ZMAT4: variants seen among roughly 807,000 people sequenced by gnomAD.
The protein encoded by ZMAT4 is zinc finger matrin-type 4, also known as zinc finger matrin-type protein 4.
Under a neutral mutation model 28.7 loss-of-function variants are expected in ZMAT4, and 17 were observed. The observed-to-expected ratio is 0.59, with a 90% confidence interval of 0.41 to 0.89. ZMAT4 has a LOEUF of 0.89. Ranked by LOEUF, ZMAT4 falls within the 40% of genes least tolerant of loss-of-function variation. ZMAT4 has a pLI of 0.00. For missense variants in ZMAT4, 240 were observed against 283.8 expected, an observed-to-expected ratio of 0.85 and a Z score of 1.11; for synonymous variants, 117 against 109.2, an observed-to-expected ratio of 1.07 and a Z score of -0.44.
intron 1 of ZMAT4, among the ~76,000 whole-genome samples, chr8:40,845,548 A>G (rs1375022363): frequency 2.0e-5 from 3 of 151,992 alleles, no homozygotes; most frequent in Non-Finnish European, 2.9e-5. Context: ...GGCAGATTAT[A>G]GCAGCCTTCT....
intron 5 of ZMAT4, among the ~76,000 whole-genome samples, chr8:40,651,714 G>A (rs993690768): frequency 1.3e-5 from 2 of 151,668 alleles, no homozygotes; most frequent in Admixed American, 6.6e-5. Context: ...AGCATGTTTG[G>A]TACTGGTACC....
At chr8:40,623,137 G>A (rs139246031) in intron 5 of ZMAT4, among the ~76,000 whole-genome samples, 1 of 152,254 alleles carries the variant, frequency 6.6e-6, no homozygotes, top group African/African-American at 2.4e-5. Context: ...ACAGTGCAAA[G>A]CACTGAGCAA....
chr8:40,859,760 A>G (rs1006419006), intron 1 of ZMAT4, among the ~76,000 whole-genome samples: 1 of 152,150 alleles, frequency 6.6e-6, no homozygotes, highest in Non-Finnish European at 1.5e-5. Context: ...GCCCTTGATG[A>G]CTATGAGCAG....
intron 1 of ZMAT4, among the ~76,000 whole-genome samples, chr8:40,879,447 G>A (rs947694713): frequency 6.6e-6 from 1 of 152,070 alleles, no homozygotes; most frequent in Non-Finnish European, 1.5e-5. Context: ...TGAAATAAAC[G>A]TTTGTTTCCA....
intron 6 of ZMAT4, among the ~76,000 whole-genome samples, chr8:40,537,769 A>G (rs1379897291): frequency 1.3e-5 from 2 of 152,190 alleles, no homozygotes; most frequent in Non-Finnish European, 2.9e-5. Flanking sequence ...GTCGAACATC[A>G]TCATTTTACA....
intron 3 of ZMAT4, among the ~76,000 whole-genome samples, chr8:40,760,658 A>C (rs1002321209): frequency 6.6e-6 from 1 of 151,934 alleles, no homozygotes; most frequent in Admixed American, 6.6e-5. Flanking sequence ...TTCATGGTCG[A>C]GGCAACATTC....
chr8:40,592,819 A>G (rs1804941596), intron 5 of ZMAT4, among the ~76,000 whole-genome samples: 2 of 152,234 alleles, frequency 1.3e-5, no homozygotes, highest in South Asian at 2.1e-4. Flanking sequence ...AGATTTTAAC[A>G]TTTGAGCAAA....
chr8:40,887,724 A>C (rs1257235938), intron 1 of ZMAT4, among the ~76,000 whole-genome samples: 1 of 152,134 alleles, frequency 6.6e-6, no homozygotes, highest in Non-Finnish European at 1.5e-5. Context: ...AGGGGAAAGA[A>C]CAGGTATGAG....
intron 1 of ZMAT4, among the ~76,000 whole-genome samples, chr8:40,846,565 T>C (rs996011190): frequency 4.6e-5 from 7 of 152,334 alleles, no homozygotes; most frequent in African/African-American, 1.7e-4. Flanking sequence ...CTTTGATAAA[T>C]GGTGAAAACT....
intron 6 of ZMAT4, among the ~76,000 whole-genome samples, chr8:40,542,873 T>C (rs966068394): frequency 6.6e-6 from 1 of 152,214 alleles, no homozygotes; most frequent in Admixed American, 6.5e-5. Flanking sequence ...CCTCAATTTC[T>C]TCATCTATTC....
chr8:40,630,346 T>G (rs1806529594), intron 5 of ZMAT4, among the ~76,000 whole-genome samples: 1 of 152,242 alleles, frequency 6.6e-6, no homozygotes, highest in Non-Finnish European at 1.5e-5. Context: ...GGCTTAGAAT[T>G]GGTGCGTTTA....
intron 3 of ZMAT4, among the ~76,000 whole-genome samples, chr8:40,741,937 T>A (rs988133069): frequency 3.9e-5 from 6 of 152,204 alleles, no homozygotes; most frequent in African/African-American, 1.4e-4. Context: ...TAAACTATTT[T>A]AGTATATAAA....
At chr8:40,804,569 G>C (rs372027938) in intron 2 of ZMAT4, among the ~76,000 whole-genome samples, 1 of 152,072 alleles carries the variant, frequency 6.6e-6, no homozygotes, top group Non-Finnish European at 1.5e-5. Context: ...GGCCAGGAGC[G>C]GTGGCTTACT....
At chr8:40,556,183 A>G (rs985662342) in intron 6 of ZMAT4, among the ~76,000 whole-genome samples, 2 of 151,980 alleles carry the variant, frequency 1.3e-5, no homozygotes, top group African/African-American at 2.4e-5. Context: ...CCTAGCACCC[A>G]TGCTCATGGT....
intron 3 of ZMAT4, among the ~76,000 whole-genome samples, chr8:40,760,872 A>C (rs1812910925): frequency 6.6e-6 from 1 of 152,130 alleles, no homozygotes; most frequent in Non-Finnish European, 1.5e-5. Flanking sequence ...GCCAACGTAG[A>C]ATTGACAGCT....
At chr8:40,756,774 G>T (rs1430515176) in intron 3 of ZMAT4, among the ~76,000 whole-genome samples, 1 of 151,768 alleles carries the variant, frequency 6.6e-6, no homozygotes, top group South Asian at 2.1e-4. Flanking sequence ...AGCTTCCTGT[G>T]AGCCTCTGTC....
At chr8:40,637,243 A>C (rs1405255747) in intron 5 of ZMAT4, among the ~76,000 whole-genome samples, 1 of 152,204 alleles carries the variant, frequency 6.6e-6, no homozygotes, top group African/African-American at 2.4e-5. Context: ...AATCAAAATA[A>C]AATAACATAA....
chr8:40,579,100 G>C (rs991747011), intron 6 of ZMAT4, among the ~76,000 whole-genome samples: 1 of 152,174 alleles, frequency 6.6e-6, no homozygotes, highest in Non-Finnish European at 1.5e-5. Context: ...GGAATTAAAT[G>C]AGATAATAGA....
chr8:40,872,608 T>G (rs539186981), intron 1 of ZMAT4, among the ~76,000 whole-genome samples: 1 of 152,214 alleles, frequency 6.6e-6, no homozygotes, highest in African/African-American at 2.4e-5. Context: ...GCACAGTGGA[T>G]CAAAGGTGCT....
Sources: allele counts gnomAD v4.1 joint callset (sites outside exome capture counted in the v4.1 genomes callset), GRCh38; gene constraint gnomAD v4.1.1; transcripts MANE v1.5; gene names NCBI Gene and HGNC (gene_info 2026-07-23, HGNC 2026-07-21).